CACNA1H: variants seen among roughly 807,000 people sequenced by gnomAD.
The protein encoded by CACNA1H is calcium voltage-gated channel subunit alpha1 H.
CACNA1H carries 149 observed loss-of-function variants against 192.5 expected under a neutral mutation model. The ratio of observed to expected loss-of-function variants is 0.77; its 90% CI spans 0.68 to 0.89. CACNA1H has a LOEUF of 0.89. Among genes scored for constraint, CACNA1H ranks in the 40% least tolerant of loss-of-function variants. The pLI is 0.00. For synonymous variants in CACNA1H, 2,202 were observed against 1,475.2 expected (o/e 1.49, Z -11.29); for missense variants, 4,257 against 3,423.5 (o/e 1.24, Z -6.08).
At chr16:1,197,160 T>C (rs750585723) in intron 5 of CACNA1H, among the ~76,000 whole-genome samples, 4 of 152,238 alleles carry the variant, frequency 2.6e-5, no homozygotes, top group Non-Finnish European at 4.4e-5. Context: ...TTGGCTCTAC[T>C]GTGTGGCTCA....
In CACNA1H at chr16:1,154,029, T is replaced by G; in HGVS notation, c.292T>G (p.Cys98Gly). 1 of 1,169,798 alleles carries G rather than the reference T, an allele frequency of 8.5e-7. No homozygotes were observed. Among genetic ancestry groups the G allele is most frequent in the East Asian group, 7.2e-5 (1 of 13,958 alleles). 72.5% of individuals were successfully genotyped at this position (1,169,798 alleles called of 1,614,324 possible). Residue 98 changes from cysteine (C) to glycine (G), a missense_variant, in exon 2 of 35, where the codon TGC (cysteine) becomes GGC (glycine). Cys to Gly is a radical substitution (Grantham distance 159, BLOSUM62 -3). Transcript: ENST00000348261. ...GCGCAGCTGGTGCCTCCGGCTGGTC[T>G]GCAACCCATATCCTTCCCGGCCGGC... is the stretch of plus-strand genomic sequence containing the variant. Reference protein sequence around the residue: ...RPRSWCLRLVCNPWFEHVSML... With the variant: ...RPRSWCLRLVGNPWFEHVSML...
intron 21 of CACNA1H, 78 bp downstream of exon 21, chr16:1,211,049 A>G: frequency 6.4e-7 from 1 of 1,550,544 alleles, no homozygotes; most frequent in South Asian, 1.2e-5. Flanking sequence ...CTCCTCCCGC[A>G]GTCCTGGGCT....
At chr16:1,209,905 C>T (rs991703606) in intron 17 of CACNA1H, 130 bp from the exon 18 acceptor site, 17 of 688,518 alleles carry the variant, frequency 2.5e-5, no homozygotes, top group African/African-American at 2.2e-4. Flanking sequence ...CAAAGGCCAG[C>T]GGGTGAGGAG....
At position 1,213,914 on chromosome 16, in the gene CACNA1H, C is replaced by A; in HGVS notation, c.4912C>A (p.His1638Asn). The A allele has an allele frequency of 6.2e-7, 1 of 1,611,198 alleles. No homozygotes were observed. The highest frequency in any genetic ancestry group is 8.5e-7 in the Non-Finnish European group (1 of 1,179,190). The change falls in exon 27 of 35, where the codon CAC becomes AAC. Residue 1638 changes from histidine (H) to asparagine (N), a missense_variant. Coordinates refer to ENST00000348261, the MANE Select transcript of CACNA1H (RefSeq NM_021098.3). ...CAACGTCATCACCATGTCCATGGAG[C>A]ACTATAACCAACCCAAGGTGGGTGC... is the stretch of plus-strand genomic sequence containing the variant. ...CVNVITMSME[H>N]YNQPKSLDEA...
rs201131841 is a variant in CACNA1H, at chr16:1,205,278, C to T, written c.2603+13C>T. 8.7e-5 allele frequency: 139 copies of T among 1,589,334 alleles called. 1 individual carries two copies. Among genetic ancestry groups the T allele is most frequent in the East Asian group, 1.1e-4 (5 of 44,150 alleles). On this transcript the variant is annotated intron_variant, in intron 11 of 34. Transcript: ENST00000348261. ...TCGTGGTCATCAGGTGGGTCCCCAC[C>T]CTCTCCCCAGGAAGAGGGGCCCGGG...
In CACNA1H at chr16:1,202,117, C is replaced by T. The variant is rs1430474816; in HGVS notation, c.1667C>T (p.Pro556Leu). The change falls in exon 9 of 35, where the codon CCC becomes CTC. Residue 556 changes from proline (P) to leucine (L), a missense_variant. Transcript: ENST00000348261. ...CDTRLVRAGAPPSPPSPGRGP... is the reference protein window; with the variant it reads ...CDTRLVRAGALPSPPSPGRGP... ...ACCAGGCTGGTCCGAGCTGGCGCGCCCCCCTCGCCACCTTCCCCAGGCCGC... is the reference window on the plus strand; with the variant it reads ...ACCAGGCTGGTCCGAGCTGGCGCGCTCCCCTCGCCACCTTCCCCAGGCCGC... 68 of 1,546,538 alleles carry T rather than the reference C, an allele frequency of 4.4e-5. No individual in the cohort carries two copies. Among genetic ancestry groups the T allele is most frequent in the Non-Finnish European group, 5.8e-5 (66 of 1,145,796 alleles).
chr16:1,198,475 G>C (rs1351403129), intron 5 of CACNA1H, 140 bp from the exon 6 acceptor site: 3 of 839,888 alleles, frequency 3.6e-6, no homozygotes, highest in East Asian at 5.1e-5. Flanking sequence ...ATCACCAGGG[G>C]GTGGCCCGAG....
chr16:1,201,103 C>G (rs553493145), intron 8 of CACNA1H, among the ~76,000 whole-genome samples: 7 of 152,224 alleles, frequency 4.6e-5, no homozygotes, highest in Admixed American at 2.6e-4. Context: ...GTGTGTGGCC[C>G]CAGGTGTGCT....
chr16:1,196,126 G>T, intron 5 of CACNA1H, 103 bp downstream of exon 5: 1 of 939,186 alleles, frequency 1.1e-6, no homozygotes, highest in Non-Finnish European at 1.7e-6. Flanking sequence ...ACTGGGAAAT[G>T]AAGGTTACCA....
chr16:1,209,026 C>T lies in CACNA1H; in HGVS notation c.3364-6C>T. The T allele has an allele frequency of 6.7e-7, 1 of 1,499,432 alleles. No individual in the cohort carries two copies. The highest frequency in any genetic ancestry group is 8.8e-7 in the Non-Finnish European group (1 of 1,132,364). The allele number at this position is 1,499,432 out of a possible 1,614,324, so 92.9% of individuals were successfully genotyped here. On this transcript the variant is annotated splice_region_variant and splice_polypyrimidine_tract_variant and intron_variant, in intron 16 of 34. Transcript: ENST00000348261. ...CACCAGGTCACTGACTCCCGCCACC[C>T]CCCAGGCCAGCCTCCGAAGTTCTCC...
chr16:1,201,826 A>G lies in CACNA1H; in HGVS notation c.1376A>G (p.Glu459Gly), dbSNP rs1475909770. 6.3e-7 allele frequency: 1 copy of G among 1,578,982 alleles called. No individual in the cohort carries two copies. Among genetic ancestry groups the G allele is most frequent in the Non-Finnish European group, 8.6e-7 (1 of 1,163,364 alleles). Residue 459 changes from glutamate (E) to glycine (G), a missense_variant, in exon 9 of 35, where the codon GAG (glutamate) becomes GGG (glycine). By Grantham distance (98) the Glu-to-Gly change is moderately conservative. Coordinates refer to ENST00000348261, the MANE Select transcript of CACNA1H (RefSeq NM_021098.3). ...TCCGAGCCTGGCAGCTGCTACGAAG[A>G]GCTGCTGAAGTACGTGGGCCACATA... Reference protein sequence around the residue: ...SFSEPGSCYEELLKYVGHIFR... With the variant: ...SFSEPGSCYEGLLKYVGHIFR...
chr16:1,188,445 C>T (rs561552367), intron 2 of CACNA1H, among the ~76,000 whole-genome samples: 7 of 151,072 alleles, frequency 4.6e-5, no homozygotes, highest in South Asian at 2.1e-4. Flanking sequence ...CTGGCTGAGC[C>T]GCCCTGAGAC....
At chr16:1,173,999 G>A (rs922643207) in intron 2 of CACNA1H, among the ~76,000 whole-genome samples, 7 of 152,218 alleles carry the variant, frequency 4.6e-5, no homozygotes, top group Non-Finnish European at 1.0e-4. Flanking sequence ...ATTGACCTGC[G>A]TGCACAGTAG....
intron 2 of CACNA1H, among the ~76,000 whole-genome samples, chr16:1,176,162 A>G (rs762043640): frequency 7.9e-5 from 12 of 152,258 alleles, no homozygotes; most frequent in Admixed American, 1.3e-4. Flanking sequence ...AGCCTAACCC[A>G]TTAAACATAA....
At chr16:1,154,945 C>A (rs1046080570) in intron 2 of CACNA1H, among the ~76,000 whole-genome samples, 41 of 152,266 alleles carry the variant, frequency 2.7e-4, no homozygotes, top group African/African-American at 9.9e-4. Flanking sequence ...CCCTTCTGAG[C>A]CGGCAGCTGG....
At chr16:1,154,643 C>T (rs1182394758) in intron 2 of CACNA1H, among the ~76,000 whole-genome samples, 3 of 152,172 alleles carry the variant, frequency 2.0e-5, no homozygotes, top group South Asian at 2.1e-4. Flanking sequence ...TTAAGTCATG[C>T]GCAGCTGAAG....
intron 2 of CACNA1H, among the ~76,000 whole-genome samples, chr16:1,188,204 C>T (rs1452548791): frequency 6.6e-6 from 1 of 152,158 alleles, no homozygotes; most frequent in Non-Finnish European, 1.5e-5. Flanking sequence ...GATACGTGAG[C>T]CAGCGGGTCT....
chr16:1,204,095 G>A lies in CACNA1H; in HGVS notation c.2088G>A (p.Glu696=). The A allele has an allele frequency of 6.2e-7, 1 of 1,610,142 alleles. No homozygotes were observed. Among genetic ancestry groups the A allele is most frequent in the Non-Finnish European group, 8.5e-7 (1 of 1,178,910 alleles). ...CCCCAGCGGGCACACTGACCTGTGA[G>A]CTGAAGAGCTGCCCGTACTGCACCC... ...PSPPAGTLTC[E]LKSCPYCTRA... The change falls in exon 10 of 35, where the codon GAG becomes GAA. Residue 696 remains glutamate (E), a synonymous_variant. Transcript: ENST00000348261.
In CACNA1H at chr16:1,207,270, C is replaced by T; in HGVS notation, c.2908-5C>T. ...GACCACCCCAGGCCCCCTGCTATCC[C>T]CCAGATCCTGACCCAGGAGGACTGG... On this transcript the variant is annotated splice_region_variant and splice_polypyrimidine_tract_variant and intron_variant, in intron 13 of 34. Coordinates refer to ENST00000348261, the MANE Select transcript of CACNA1H (RefSeq NM_021098.3). 4 of 1,603,934 alleles carry T rather than the reference C, an allele frequency of 2.5e-6. No individual in the cohort carries two copies. Among genetic ancestry groups the T allele is most frequent in the South Asian group, 2.2e-5 (2 of 89,940 alleles).
Sources: allele counts gnomAD v4.1 joint callset (sites outside exome capture counted in the v4.1 genomes callset), GRCh38; gene constraint gnomAD v4.1.1; transcripts MANE v1.5; gene names NCBI Gene and HGNC (gene_info 2026-07-23, HGNC 2026-07-21).